The following TSHR variants were observed in gnomAD, a reference collection of about 807,000 sequenced individuals.
TSHR encodes thyroid stimulating hormone receptor.
A neutral mutation model predicts 64.1 loss-of-function variants in TSHR; 51 were observed. The ratio of observed to expected loss-of-function variants is 0.80; its 90% confidence interval spans 0.64 to 1.01. TSHR has a LOEUF of 1.01. Ranked by LOEUF, TSHR falls within the 50% of genes least tolerant of loss-of-function variation. TSHR has a pLI of 0.00. For missense variants in TSHR, 877 were observed against 942.8 expected, an observed-to-expected ratio of 0.93 and a Z score of 0.91; for synonymous variants, 361 against 361.9, an observed-to-expected ratio of 1.00 and a Z score of 0.03.
At chr14:81,012,535 G>T (rs1233473280) in intron 1 of TSHR, 2 of 150,834 alleles carry the variant, frequency 1.3e-5, no homozygotes, top group African/African-American at 4.9e-5. Context: ...CACAATGGTT[G>T]AACTAGTTTA....
intron 3 of TSHR, among the ~76,000 whole-genome samples, chr14:81,086,414 CAG>C (rs751292870): frequency 2.5e-4 from 38 of 152,222 alleles, no homozygotes; most frequent in Admixed American, 7.9e-4. Flanking sequence ...TTGAAAAAAC[CAG>C]AGAGTTTTTT....
intron 6 of TSHR, 32 bp downstream of exon 6, chr14:81,092,640 A>G (rs1888841906): frequency 1.3e-6 from 2 of 1,599,498 alleles, no homozygotes; most frequent in Admixed American, 1.7e-5. Flanking sequence ...CCCTCCATCA[A>G]CTAAATTCTA....
At chr14:80,991,779 T>C in intron 1 of TSHR, 1 of 388,154 alleles carries the variant, frequency 2.6e-6, no homozygotes, top group Non-Finnish European at 4.5e-6. Context: ...GACCTAGCAG[T>C]GGCAAAGTTG....
At position 81,143,520 on chromosome 14, in the gene TSHR, T is replaced by C. The variant is rs2140111252; in HGVS notation, c.1462T>C (p.Trp488Arg). 1 of 1,613,736 alleles carries C rather than the reference T, an allele frequency of 6.2e-7. No individual in the cohort carries two copies. The highest frequency in any genetic ancestry group is 8.5e-7 in the Non-Finnish European group (1 of 1,180,042). ...HSEYYNHAID[W>R]QTGPGCNTAG... ...TGAGTACTACAACCATGCCATCGACTGGCAGACAGGCCCTGGGTGCAACAC... is the reference window on the plus strand; with the variant it reads ...TGAGTACTACAACCATGCCATCGACCGGCAGACAGGCCCTGGGTGCAACAC... The change falls in exon 10 of 10, where the codon TGG becomes CGG. Residue 488 changes from tryptophan to arginine, a missense_variant. By Grantham distance (101) the Trp-to-Arg change is moderately radical (BLOSUM62 -3). Coordinates refer to ENST00000298171, the MANE Select transcript of TSHR (RefSeq NM_000369.5).
intron 1 of TSHR, chr14:80,958,394 A>G (rs1355602664): frequency 6.6e-6 from 1 of 152,246 alleles, no homozygotes; most frequent in Non-Finnish European, 1.5e-5. Context: ...CTGCACCCTT[A>G]AGCCACCACT....
At chr14:81,074,468 G>T (rs1887344633) in intron 3 of TSHR, among the ~76,000 whole-genome samples, 1 of 152,144 alleles carries the variant, frequency 6.6e-6, no homozygotes, top group Admixed American at 6.5e-5. Context: ...TCAAGGAATT[G>T]AGAATGGTTT....
chr14:81,121,176 C>CA (rs79487366), intron 8 of TSHR, among the ~76,000 whole-genome samples: 3,592 of 147,436 alleles, frequency 0.024, 145 homozygotes, highest in African/African-American at 0.083. Flanking sequence ...ACCCATATGG[C>CA]AAAAAAAAAG....
intron 1 of TSHR, among the ~76,000 whole-genome samples, chr14:81,026,248 T>C (rs972388275): frequency 6.6e-6 from 1 of 152,192 alleles, no homozygotes; most frequent in East Asian, 1.9e-4. Flanking sequence ...CCTAGAGCAG[T>C]ACCTGGCACA....
chr14:81,125,411 C>T (rs1321572058), intron 8 of TSHR, among the ~76,000 whole-genome samples: 3 of 152,062 alleles, frequency 2.0e-5, no homozygotes, highest in Non-Finnish European at 2.9e-5. Context: ...TAAAGATGGT[C>T]CCTGTGGAAG....
At chr14:81,114,036 C>G (rs959673267) in intron 8 of TSHR, among the ~76,000 whole-genome samples, 2 of 151,662 alleles carry the variant, frequency 1.3e-5, no homozygotes, top group Admixed American at 1.3e-4. Flanking sequence ...TAACAATCCT[C>G]TTATCCACTC....
chr14:81,095,528 C>T (rs566386180), intron 6 of TSHR: 1 of 151,962 alleles, frequency 6.6e-6, no homozygotes, highest in Non-Finnish European at 1.5e-5. Flanking sequence ...GCAGAGATCA[C>T]GCCACTGCAC....
At chr14:81,050,455 G>A (rs965820605) in intron 1 of TSHR, 3 of 152,106 alleles carry the variant, frequency 2.0e-5, no homozygotes, top group African/African-American at 7.2e-5. Context: ...AAGAAAAATT[G>A]CTCATACCAT....
At chr14:81,073,976 C>T (rs1294148250) in intron 3 of TSHR, among the ~76,000 whole-genome samples, 1 of 152,106 alleles carries the variant, frequency 6.6e-6, no homozygotes, top group Non-Finnish European at 1.5e-5. Flanking sequence ...TAGTGAAGTC[C>T]TATATAAACC....
At chr14:80,983,480 C>A (rs1408152618) in intron 1 of TSHR, 3 of 1,364,996 alleles carry the variant, frequency 2.2e-6, no homozygotes, top group Non-Finnish European at 2.1e-6. Context: ...TCATCTTTAA[C>A]CATAAAGAGG....
chr14:81,131,635 T>G (rs1325151826), intron 8 of TSHR, among the ~76,000 whole-genome samples: 2 of 152,158 alleles, frequency 1.3e-5, no homozygotes, highest in Admixed American at 1.3e-4. Flanking sequence ...GCTGGTCCTT[T>G]GGCCTGCAAT....
In TSHR at chr14:81,084,892, C is replaced by A. The variant is rs1011261656; in HGVS notation, c.318-3062C>A. Among the ~76,000 whole-genome samples the A allele has an allele frequency of 3.9e-5, 6 of 152,232 alleles. No homozygotes were observed. The South Asian group carries it at 1.2e-3, about 32-fold the overall frequency. The stretch of plus-strand genomic sequence containing the variant: ...GATGTTCTTTTGTACTCACTTCTGC[C>A]CTTCCTTTCTTCCTATCTTTGAATA... On this transcript the variant is annotated intron_variant, in intron 3 of 9. Coordinates refer to ENST00000298171, the MANE Select transcript of TSHR (RefSeq NM_000369.5).
intron 1 of TSHR, among the ~76,000 whole-genome samples, chr14:80,988,051 A>G (rs1888556355): frequency 1.3e-5 from 2 of 152,184 alleles, no homozygotes; most frequent in South Asian, 4.1e-4. Context: ...TTTAGGTCTG[A>G]AGTAGAGGTC....
At chr14:81,114,756 A>G (rs1451867252) in intron 8 of TSHR, among the ~76,000 whole-genome samples, 1 of 152,146 alleles carries the variant, frequency 6.6e-6, no homozygotes, top group East Asian at 1.9e-4. Context: ...GACAGCAGTA[A>G]CCTCCGCAGA....
chr14:81,114,780 G>A (rs1595138413), intron 8 of TSHR, among the ~76,000 whole-genome samples: 1 of 152,342 alleles, frequency 6.6e-6, no homozygotes, highest in Non-Finnish European at 1.5e-5. Flanking sequence ...AAATGTCCCT[G>A]TCTGACAGCT....
Sources: allele counts gnomAD v4.1 joint callset (sites outside exome capture counted in the v4.1 genomes callset), GRCh38; gene constraint gnomAD v4.1.1; transcripts MANE v1.5; gene names NCBI Gene and HGNC (gene_info 2026-07-23, HGNC 2026-07-21).